The following CSF1R variants were observed in gnomAD, a reference collection of about 807,000 sequenced individuals.
CSF1R encodes colony stimulating factor 1 receptor.
CSF1R carries 40 observed loss-of-function variants against 110.0 expected under a neutral mutation model. The ratio of observed to expected loss-of-function variants is 0.36; its 90% CI spans 0.28 to 0.47. CSF1R has a LOEUF of 0.47. Ranked by LOEUF, CSF1R falls within the 20% of genes least tolerant of loss-of-function variation. The pLI is 0.99. For synonymous variants in CSF1R, 523 were observed against 503.4 expected, an observed-to-expected ratio of 1.04 and a Z score of -0.52; for missense variants, 1,052 against 1,253.0, an observed-to-expected ratio of 0.84 and a Z score of 2.42.
Position 150,060,872 on chromosome 5 carries a change from A to G in CSF1R, c.1959T>C (p.Cys653=), listed in dbSNP as rs1369622922. ...HENIVNLLGA[C]THGGPVLVIT... ...CCCCAAGGCCCTTACCTCCATGGGT[A>G]CAGGCTCCCAGAAGGTTGACGATGT... is the stretch of plus-strand genomic sequence containing the variant. The change falls in exon 13 of 21, where the codon TGT becomes TGC. Residue 653 remains cysteine (C), a synonymous_variant. Coordinates refer to ENST00000675795, the MANE Select transcript of CSF1R (RefSeq NM_001288705.3). The G allele has an allele frequency of 1.2e-5, 19 of 1,608,084 alleles. No individual in the cohort carries two copies. The highest frequency in any genetic ancestry group is 1.3e-5 in the African/African-American group (1 of 74,842).
intron 1 of CSF1R, among the ~76,000 whole-genome samples, chr5:150,104,499 A>C (rs1331512665): frequency 6.6e-6 from 1 of 152,252 alleles, no homozygotes; most frequent in Non-Finnish European, 1.5e-5. Context: ...ACCGCATCCC[A>C]GCATTTTCCT....
rs138905856 is a variant in CSF1R at position 150,053,569 on chromosome 5, G to A, written c.*500C>T. On this transcript the variant is annotated 3_prime_UTR_variant, in exon 21 of 21. Coordinates refer to ENST00000675795, the MANE Select transcript of CSF1R (RefSeq NM_001288705.3). ...TAGGGCAGAGACTAAGAGGTCCTGT[G>A]AGATTCTTAGAGGAGCCATCCTGCT... 7.0e-4 allele frequency: 176 copies of A among 250,366 alleles called. No homozygotes were observed. In the East Asian group the frequency reaches 0.01, roughly 15 times the overall value. The allele number at this position is 250,366 out of a possible 1,614,324, so 15.5% of individuals were successfully genotyped here.
At chr5:150,093,027 G>A (rs926313729) in intron 1 of CSF1R, among the ~76,000 whole-genome samples, 1 of 152,042 alleles carries the variant, frequency 6.6e-6, no homozygotes, top group Non-Finnish European at 1.5e-5. Flanking sequence ...TATGAAAAAC[G>A]GGAAGAAAGG....
chr5:150,078,382 A>AGTTAAAACCTTGCAG (rs1322744767), intron 3 of CSF1R, 134 bp from the exon 4 acceptor site: 271 of 1,139,024 alleles, frequency 2.4e-4, no homozygotes, highest in Non-Finnish European at 1.1e-4. Flanking sequence ...CCTGGGAGGC[A>AGTTAAAACCTTGCAG]GCCTTGATGC....
In CSF1R at chr5:150,073,346, T is replaced by C. The variant is rs753379219; in HGVS notation, c.1037A>G (p.Gln346Arg). 5.6e-6 allele frequency: 9 copies of C among 1,614,028 alleles called. No individual in the cohort carries two copies. Among genetic ancestry groups the C allele is most frequent in the Non-Finnish European group, 6.8e-6 (8 of 1,179,992 alleles). ...WTYLGPFSDH[Q>R]PEPKLANATT... ...AGCATTAGCAAGCTTGGGCTCAGGC[T>C]GGTGGTCAGAAAAGGGTCCCAGGTA... Residue 346 changes from glutamine to arginine, a missense_variant, in exon 6 of 21, where the codon CAG (glutamine) becomes CGG (arginine). Transcript: ENST00000675795.
At chr5:150,069,217 G>C (rs1349381278) in intron 9 of CSF1R, among the ~76,000 whole-genome samples, 1 of 152,122 alleles carries the variant, frequency 6.6e-6, no homozygotes, top group Non-Finnish European at 1.5e-5. Flanking sequence ...CAGATGCCAG[G>C]GTCTGGCACA....
upstream of CSF1R, among the ~76,000 whole-genome samples, chr5:150,088,822 C>A (rs1333321035): frequency 6.6e-6 from 1 of 152,216 alleles, no homozygotes; most frequent in East Asian, 1.9e-4. Context: ...GCGTGAGCCA[C>A]TGCACCCAGC....
intron 1 of CSF1R, among the ~76,000 whole-genome samples, chr5:150,082,657 C>T (rs1758603283): frequency 6.6e-6 from 1 of 152,236 alleles, no homozygotes; most frequent in Non-Finnish European, 1.5e-5. Context: ...TGTGGGCTCA[C>T]ACCAACTTGG....
In CSF1R at chr5:150,053,702, A is replaced by C; in HGVS notation, c.*367T>G. On this transcript the variant is annotated 3_prime_UTR_variant, in exon 21 of 21. Transcript: ENST00000675795. ...TAGCCCCAAAGAGCCTGGTTTTCTC[A>C]GTATCAGTGTAGCTCCTGGGGACTT... The C allele has an allele frequency of 2.9e-6, 1 of 342,346 alleles. No homozygotes were observed. The highest frequency in any genetic ancestry group is 4.2e-5 in the South Asian group (1 of 23,958). 21.2% of individuals were successfully genotyped at this position (342,346 alleles called of 1,614,324 possible).
intron 1 of CSF1R, among the ~76,000 whole-genome samples, chr5:150,094,139 G>C (rs1479889754): frequency 2.0e-5 from 3 of 151,918 alleles, no homozygotes. Flanking sequence ...TGGAGTAGCT[G>C]TATTAATATC....
chr5:150,079,916 T>C (rs1758447933), intron 3 of CSF1R, 136 bp downstream of exon 3: 1 of 1,078,146 alleles, frequency 9.3e-7, no homozygotes, highest in Non-Finnish European at 1.3e-6. Flanking sequence ...CGTGGAACCA[T>C]TGAGGGGAAG....
chr5:150,060,660 C>T (rs867209838), intron 13 of CSF1R, among the ~76,000 whole-genome samples: 54 of 152,320 alleles, frequency 3.5e-4, no homozygotes, highest in African/African-American at 1.2e-3. Context: ...ATCAGTCTCT[C>T]TTTATACCTC....
chr5:150,080,471 G>A (rs969696349), intron 2 of CSF1R, 135 bp from the exon 3 acceptor site: 19 of 1,225,504 alleles, frequency 1.6e-5, no homozygotes, highest in East Asian at 5.1e-5. Flanking sequence ...ACAGTTCAGC[G>A]GATGCTTCAG....
At chr5:150,075,905 C>T (rs953702907) in intron 5 of CSF1R, among the ~76,000 whole-genome samples, 3 of 152,242 alleles carry the variant, frequency 2.0e-5, no homozygotes, top group Non-Finnish European at 2.9e-5. Flanking sequence ...TCACAATCTG[C>T]TGCAAGTCCA....
intron 1 of CSF1R, among the ~76,000 whole-genome samples, chr5:150,105,913 G>A (rs1759542243): frequency 1.3e-5 from 2 of 152,216 alleles, no homozygotes; most frequent in Non-Finnish European, 2.9e-5. Flanking sequence ...TTTAACACAT[G>A]AGGCTGATTC....
chr5:150,059,710 ATTTC>A lies in CSF1R; in HGVS notation c.2118_2121del (p.Lys706AsnfsTer20). The A allele has an allele frequency of 6.2e-7, 1 of 1,613,628 alleles. No individual in the cohort carries two copies. The highest frequency in any genetic ancestry group is 8.5e-7 in the Non-Finnish European group (1 of 1,179,732). ...TTTGCCAGGGGCTACCTGCGGACAT[ATTTC>A]TTCTCGAGGTGGATGTTCTTATAGT... On this transcript the variant is annotated frameshift_variant, in exon 14 of 21. Coordinates refer to ENST00000675795, the MANE Select transcript of CSF1R (RefSeq NM_001288705.3). LOFTEE classifies it high-confidence loss of function.
chr5:150,098,390 A>G (rs1468886905), intron 1 of CSF1R: 1 of 152,472 alleles, frequency 6.6e-6, no homozygotes, highest in Non-Finnish European at 1.5e-5. Context: ...TATAATCCAT[A>G]AAAGAAAAAA....
intron 1 of CSF1R, among the ~76,000 whole-genome samples, chr5:150,082,070 C>CT (rs36067134): frequency 1.0e-3 from 155 of 152,334 alleles, no homozygotes; most frequent in Non-Finnish European, 1.9e-3. Context: ...CTCACTTCTG[C>CT]TTCCCCAGCC....
chr5:150,107,934 C>T (rs1759602017), intron 1 of CSF1R, among the ~76,000 whole-genome samples: 1 of 152,236 alleles, frequency 6.6e-6, no homozygotes. Context: ...CTCCCTTCTG[C>T]AACTCACAGC....
Sources: allele counts gnomAD v4.1 joint callset (sites outside exome capture counted in the v4.1 genomes callset), GRCh38; gene constraint gnomAD v4.1.1; transcripts MANE v1.5; gene names NCBI Gene and HGNC (gene_info 2026-07-23, HGNC 2026-07-21).